Variants in SYK observed in about 807,000 individuals in gnomAD.
The protein encoded by SYK is spleen associated tyrosine kinase.
SYK carries 16 observed loss-of-function variants against 77.8 expected under a neutral mutation model. The observed-to-expected ratio is 0.21, with a 90% CI of 0.14 to 0.31. The LOEUF (loss-of-function observed/expected upper bound fraction) is 0.31. Ranked by LOEUF, SYK falls within the 10% of genes least tolerant of loss-of-function variation. The pLI is 1.00. For synonymous variants in SYK, 312 were observed against 308.7 expected (o/e 1.01, Z -0.11); for missense variants, 529 against 814.4 (o/e 0.65, Z 4.26).
chr9:90,843,647 T>C (rs1826458462), intron 1 of SYK, among the ~76,000 whole-genome samples: 1 of 152,196 alleles, frequency 6.6e-6, no homozygotes, highest in African/African-American at 2.4e-5. Flanking sequence ...CATCAAATGC[T>C]CTGATTTTAG....
intron 5 of SYK, 78 bp downstream of exon 5, chr9:90,864,745 C>T (rs1827411626): frequency 3.0e-6 from 4 of 1,335,122 alleles, no homozygotes; most frequent in Non-Finnish European, 4.3e-6. Context: ...TAGCTGATTG[C>T]AGATTTGGGT....
rs1451321033 is a variant in SYK, at chr9:90,895,241, A to G, written c.1836-287A>G. Reference sequence around the variant, plus strand: ...CTGAACCTGGGGCTAAAACACTCCCAGTTCTAATGCAAAAAGTCTCCTACT... The same window carrying G: ...CTGAACCTGGGGCTAAAACACTCCCGGTTCTAATGCAAAAAGTCTCCTACT... On this transcript the variant is annotated intron_variant, in intron 13 of 13. Transcript: ENST00000375754. This position sits in a 1 kb window ranked among gnomAD's most constrained non-coding sequence, Gnocchi z 4.4. Among the ~76,000 whole-genome samples, 1 of 152,232 alleles carries G rather than the reference A, an allele frequency of 6.6e-6. No homozygotes were observed. The highest frequency in any genetic ancestry group is 1.5e-5 in the Non-Finnish European group (1 of 68,040).
intron 12 of SYK, 69 bp from the exon 13 acceptor site, chr9:90,888,446 G>C (rs1440537953): frequency 1.8e-6 from 2 of 1,092,918 alleles, no homozygotes; most frequent in African/African-American, 3.2e-5. Context: ...GTCTTGGAGT[G>C]GCTGTTTTGT....
chr9:90,819,688 C>T (rs1825437838), intron 1 of SYK, among the ~76,000 whole-genome samples: 1 of 152,046 alleles, frequency 6.6e-6, no homozygotes, highest in Non-Finnish European at 1.5e-5. Context: ...AGGTACAATT[C>T]AAGTTGAGAT....
At chr9:90,834,261 T>G (rs1382660153) in intron 1 of SYK, among the ~76,000 whole-genome samples, 2 of 150,988 alleles carry the variant, frequency 1.3e-5, no homozygotes, top group African/African-American at 5.0e-5. Context: ...CTGCCCGTGC[T>G]TTTTCCTTCA....
In SYK at chr9:90,810,890, A is replaced by C. The variant is rs117975800; in HGVS notation, c.-42+8997A>C. On this transcript the variant is annotated intron_variant, in intron 1 of 13. Transcript: ENST00000375754. ...CCAGATAATATGCAGGCATGGGTCC[A>C]AGGGAGGCTTTGCACACCAGGCGGG... Among the ~76,000 whole-genome samples the C allele has an allele frequency of 6.6e-3, 1,008 of 152,306 alleles. 9 individuals are homozygous for C. The highest frequency in any genetic ancestry group is 0.016 in the African/African-American group (657 of 41,568).
intron 11 of SYK, among the ~76,000 whole-genome samples, chr9:90,887,354 A>G (rs1587922835): frequency 6.6e-6 from 1 of 151,180 alleles, no homozygotes; most frequent in African/African-American, 2.4e-5. Flanking sequence ...GCTATTGGGA[A>G]TAATGCTGCT....
intron 1 of SYK, among the ~76,000 whole-genome samples, chr9:90,820,219 T>A (rs1277661018): frequency 1.3e-5 from 2 of 152,202 alleles, no homozygotes; most frequent in East Asian, 3.9e-4. Flanking sequence ...TGGTGCAAGC[T>A]GTCAGTGGAT....
intron 13 of SYK, among the ~76,000 whole-genome samples, chr9:90,891,132 A>G (rs1271336320): frequency 7.1e-6 from 1 of 140,804 alleles, no homozygotes; most frequent in Admixed American, 7.1e-5. Context: ...GGCCGACGCC[A>G]TGTTGCCTGC....
At chr9:90,892,675 T>C (rs1828841234) in intron 13 of SYK, among the ~76,000 whole-genome samples, 1 of 152,204 alleles carries the variant, frequency 6.6e-6, no homozygotes, top group African/African-American at 2.4e-5. Context: ...CTGTAGTGTT[T>C]TCCAGAGCCA....
chr9:90,813,953 C>T (rs532515135), intron 1 of SYK, among the ~76,000 whole-genome samples: 3 of 152,286 alleles, frequency 2.0e-5, no homozygotes, highest in African/African-American at 7.2e-5. Context: ...TACTCAGAAG[C>T]TCTAAAAGAC....
chr9:90,888,470 C>A (rs1418357791), intron 12 of SYK, 45 bp from the exon 13 acceptor site: 2 of 1,438,588 alleles, frequency 1.4e-6, no homozygotes. Flanking sequence ...GTTTGACTAA[C>A]ACCTTTAAAA....
intron 7 of SYK, among the ~76,000 whole-genome samples, chr9:90,871,001 G>T (rs1371481150): frequency 6.6e-6 from 1 of 152,152 alleles, no homozygotes; most frequent in Admixed American, 6.5e-5. Flanking sequence ...TTCCTCTTTT[G>T]TTCACTTTTG....
At chr9:90,839,781 A>G (rs897490815) in intron 1 of SYK, among the ~76,000 whole-genome samples, 4 of 152,198 alleles carry the variant, frequency 2.6e-5, no homozygotes, top group Non-Finnish European at 4.4e-5. Flanking sequence ...CATCGGGGCC[A>G]GGTACACAGT....
rs1470221659 is a variant in SYK, at chr9:90,884,988, A to G, written c.1582-2761A>G. Among the ~76,000 whole-genome samples the G allele has an allele frequency of 4.3e-5, 6 of 140,982 alleles. No homozygotes were observed. In the East Asian group the frequency reaches 1.3e-3, roughly 30 times the overall value. The allele number at this position is 140,982 out of a possible 152,430, so 92.5% of individuals were successfully genotyped here. A position where few individuals can be genotyped will look rare whatever the true frequency, so the allele number is the denominator to read the frequency against. ...GTGTATATATATATATACCCAACAT[A>G]TATATACCCAACAACATATATATAT... On this transcript the variant is annotated intron_variant, in intron 11 of 13. Transcript: ENST00000375754.
chr9:90,881,039 C>CTAT (rs1828131793), intron 11 of SYK, among the ~76,000 whole-genome samples: 1 of 152,158 alleles, frequency 6.6e-6, no homozygotes, highest in Non-Finnish European at 1.5e-5. Flanking sequence ...AAACCAGGCC[C>CTAT]AGAAACTACC....
rs768049481 is a variant in SYK at position 90,877,692 on chromosome 9, A to G, written c.1303A>G (p.Met435Val). ...QQLDNPYIVR[M>V]IGICEAESWM... ...GCTGGACAACCCGTACATCGTGCGGATGATCGGGATATGCGAGGCCGAGTC... is the reference window on the plus strand; with the variant it reads ...GCTGGACAACCCGTACATCGTGCGGGTGATCGGGATATGCGAGGCCGAGTC... The change falls in exon 10 of 14, where the codon ATG becomes GTG. Residue 435 changes from methionine (M) to valine (V), a missense_variant. Transcript: ENST00000375754. 6.2e-7 allele frequency: 1 copy of G among 1,614,228 alleles called. No homozygotes were observed. Among genetic ancestry groups the G allele is most frequent in the South Asian group, 1.1e-5 (1 of 91,090 alleles).
Position 90,884,778 on chromosome 9 carries a change from CAT to C in SYK, c.1582-2970_1582-2969del, listed in dbSNP as rs1491268861. On this transcript the variant is annotated intron_variant, in intron 11 of 13. Coordinates refer to ENST00000375754, the MANE Select transcript of SYK (RefSeq NM_003177.7). ...ACATATGTGTACATGCACATATACA[CAT>C]GTGTACATGCACATATACACATATG... Among the ~76,000 whole-genome samples the C allele has an allele frequency of 1.2e-4, 2 of 17,332 alleles. 1 individual carries two copies. The highest frequency in any genetic ancestry group is 1.8e-4 in the Non-Finnish European group (2 of 11,276). 11.4% of individuals were successfully genotyped at this position (17,332 alleles called of 152,430 possible).
chr9:90,873,245 A>C (rs1827797754), intron 7 of SYK, among the ~76,000 whole-genome samples: 1 of 151,998 alleles, frequency 6.6e-6, no homozygotes, highest in Non-Finnish European at 1.5e-5. Flanking sequence ...TGTTTCTGTA[A>C]CTTTCTCCAT....
Sources: gnomAD v4.1 joint callset for allele counts (sites outside exome capture counted in the v4.1 genomes callset) on GRCh38, gnomAD v4.1.1 for gene constraint, Gnocchi (gnomAD v3.1) non-coding constraint, MANE v1.5 for transcripts, NCBI Gene and HGNC (gene_info 2026-07-23, HGNC 2026-07-21) for gene names.